SCTR: variants seen among roughly 807,000 people sequenced by gnomAD.
SCTR encodes secretin receptor, also known as pancreatic secretin receptor.
In SCTR, 56 loss-of-function variants were observed where a neutral mutation model predicts 60.8. That is an observed-to-expected ratio of 0.92 (90% CI 0.74 to 1.15). The LOEUF (loss-of-function observed/expected upper bound fraction) is 1.15. SCTR is among the 50% of genes most tolerant of loss of function. The pLI is 0.00. For missense variants in SCTR, 562 were observed against 550.4 expected (o/e 1.02, Z -0.21); for synonymous variants, 202 against 217.0 (o/e 0.93, Z 0.61).
intron 1 of SCTR, among the ~76,000 whole-genome samples, chr2:119,497,418 T>C (rs1317667733): frequency 1.3e-5 from 2 of 149,126 alleles, no homozygotes; most frequent in East Asian, 3.9e-4. Flanking sequence ...AAAATGAAAA[T>C]GTCTATCTTT....
chr2:119,482,474 G>C (rs566308658), intron 2 of SCTR, among the ~76,000 whole-genome samples: 1 of 152,192 alleles, frequency 6.6e-6, no homozygotes, highest in Non-Finnish European at 1.5e-5. Context: ...GTGTGTGGGC[G>C]GAGCTTTCAC....
chr2:119,464,408 A>C (rs2579647), intron 5 of SCTR, among the ~76,000 whole-genome samples, 153 bp from the exon 6 acceptor site: 134,791 of 150,862 alleles, frequency 0.89, 60,416 homozygotes, highest in African/African-American at 0.96. Flanking sequence ...TGAATGAGGA[A>C]CTGGGTCTCC....
chr2:119,457,114 GAAAC>G (rs947964913), intron 7 of SCTR, among the ~76,000 whole-genome samples: 1 of 152,140 alleles, frequency 6.6e-6, no homozygotes, highest in Non-Finnish European at 1.5e-5. Flanking sequence ...AATACAGCAG[GAAAC>G]AAACAAATAG....
In SCTR at chr2:119,452,041, A is replaced by G; in HGVS notation, c.890T>C (p.Ile297Thr). 1 of 1,609,382 alleles carries G rather than the reference A, an allele frequency of 6.2e-7. No individual in the cohort carries two copies. Among genetic ancestry groups the G allele is most frequent in the Non-Finnish European group, 8.5e-7 (1 of 1,177,218 alleles). The change falls in exon 9 of 13, where the codon ATC becomes ACC. Residue 297 changes from isoleucine to threonine, a missense_variant. Coordinates refer to ENST00000019103, the MANE Select transcript of SCTR (RefSeq NM_002980.3). Reference sequence around the variant, plus strand: ...GGAGAGGATCACAGGACCACGAATGATCCACCAGATGGATGCGTTGGCATT... The same window carrying G: ...GGAGAGGATCACAGGACCACGAATGGTCCACCAGATGGATGCGTTGGCATT... ...DINANASIWW[I>T]IRGPVILSIL...
chr2:119,471,145 C>G (rs1676991690), intron 4 of SCTR, among the ~76,000 whole-genome samples: 1 of 152,230 alleles, frequency 6.6e-6, no homozygotes, highest in African/African-American at 2.4e-5. Context: ...AGCCCATTCT[C>G]TGCATTTCCA....
At chr2:119,492,824 CT>C (rs58894352) in intron 2 of SCTR, among the ~76,000 whole-genome samples, 2 of 140,350 alleles carry the variant, frequency 1.4e-5, no homozygotes, top group African/African-American at 5.2e-5. Flanking sequence ...CTTTATTTTA[CT>C]TTTTTAATAT....
intron 1 of SCTR, among the ~76,000 whole-genome samples, chr2:119,507,105 A>G (rs967534841): frequency 5.1e-4 from 78 of 152,234 alleles, no homozygotes; most frequent in African/African-American, 1.7e-3. Flanking sequence ...TTACAAAAAA[A>G]AGACAACTTA....
intron 1 of SCTR, among the ~76,000 whole-genome samples, chr2:119,497,726 G>T (rs561339849): frequency 6.6e-6 from 1 of 152,064 alleles, no homozygotes; most frequent in South Asian, 2.1e-4. Flanking sequence ...AATAAGCTCC[G>T]TGGATGGGCT....
At chr2:119,469,489 CT>C (rs889903353) in intron 4 of SCTR, among the ~76,000 whole-genome samples, 4 of 151,144 alleles carry the variant, frequency 2.6e-5, no homozygotes, top group Non-Finnish European at 4.4e-5. Flanking sequence ...CGGTCCTTAG[CT>C]TTTTTTTTGT....
intron 1 of SCTR, among the ~76,000 whole-genome samples, chr2:119,516,720 G>A (rs919561683): frequency 1.3e-5 from 2 of 152,208 alleles, no homozygotes; most frequent in Non-Finnish European, 2.9e-5. Context: ...AGCACTTGGG[G>A]AGGCTGAGGT....
intron 1 of SCTR, among the ~76,000 whole-genome samples, chr2:119,498,032 C>T (rs1678414308): frequency 6.6e-6 from 1 of 152,006 alleles, no homozygotes; most frequent in South Asian, 2.1e-4. Context: ...GACTGAAGAA[C>T]ACAAACCAGC....
chr2:119,468,206 G>C lies in SCTR; in HGVS notation c.406-2320C>G, dbSNP rs181745328. Among the ~76,000 whole-genome samples the C allele has an allele frequency of 2.6e-5, 4 of 152,248 alleles. No individual in the cohort carries two copies. The East Asian group carries it at 7.7e-4, about 29-fold the overall frequency. ...CTTCTAATTTTTCCACAGTGGATAA[G>C]GGCTATTTATAACCAAAAGAAAAGG... On this transcript the variant is annotated intron_variant, in intron 4 of 12. Transcript: ENST00000019103.
At chr2:119,501,717 G>A (rs995258167) in intron 1 of SCTR, among the ~76,000 whole-genome samples, 7 of 151,822 alleles carry the variant, frequency 4.6e-5, no homozygotes, top group East Asian at 1.9e-4. Flanking sequence ...TACCTGCATC[G>A]AAATATCACA....
intron 1 of SCTR, among the ~76,000 whole-genome samples, chr2:119,505,609 A>G (rs1037150917): frequency 6.6e-6 from 1 of 151,984 alleles, no homozygotes; most frequent in Non-Finnish European, 1.5e-5. Context: ...CGCAAGGACA[A>G]AAAACCAAAC....
At chr2:119,480,691 A>G (rs1677559725) in intron 2 of SCTR, 1 of 152,254 alleles carries the variant, frequency 6.6e-6, no homozygotes, top group Non-Finnish European at 1.5e-5. Context: ...CAACTCACCA[A>G]TTCTCCCAAA....
intron 1 of SCTR, among the ~76,000 whole-genome samples, chr2:119,501,326 G>T (rs141050598): frequency 0.019 from 2,831 of 152,022 alleles, 38 homozygotes; most frequent in South Asian, 0.055. Flanking sequence ...AGGAGAATGG[G>T]GTGAACCTGG....
intron 1 of SCTR, among the ~76,000 whole-genome samples, chr2:119,502,685 C>T (rs997736872): frequency 6.6e-6 from 1 of 151,746 alleles, no homozygotes; most frequent in Admixed American, 6.6e-5. Flanking sequence ...TGATGATTAT[C>T]CAGTGATAAA....
At chr2:119,499,413 C>A (rs1332918857) in intron 1 of SCTR, among the ~76,000 whole-genome samples, 1 of 152,056 alleles carries the variant, frequency 6.6e-6, no homozygotes, top group Non-Finnish European at 1.5e-5. Context: ...CAGCAGAATA[C>A]ACATTTTAAT....
intron 1 of SCTR, among the ~76,000 whole-genome samples, chr2:119,496,318 T>C (rs1347216633): frequency 2.6e-5 from 4 of 152,216 alleles, no homozygotes; most frequent in African/African-American, 9.6e-5. Context: ...TTTAAGGAAT[T>C]GTAGATGGTA....
Sources: allele counts gnomAD v4.1 joint callset (sites outside exome capture counted in the v4.1 genomes callset), GRCh38; gene constraint gnomAD v4.1.1; transcripts MANE v1.5; gene names NCBI Gene and HGNC (gene_info 2026-07-23, HGNC 2026-07-21).